Variants in PRDM5 observed in about 807,000 individuals in gnomAD.
PRDM5 encodes the protein PR domain zinc finger protein 5.
A neutral mutation model predicts 81.2 loss-of-function variants in PRDM5; 56 were observed. The ratio of observed to expected loss-of-function variants is 0.69; its 90% CI spans 0.56 to 0.86. The LOEUF is 0.86. PRDM5 is among the 40% of genes least tolerant of loss of function. The pLI is 0.00. For missense variants in PRDM5, 697 were observed against 770.1 expected (o/e 0.91, Z 1.12); for synonymous variants, 267 against 256.4 (o/e 1.04, Z -0.39).
chr4:120,703,544 G>A (rs768239490), intron 15 of PRDM5, among the ~76,000 whole-genome samples: 5 of 152,160 alleles, frequency 3.3e-5, no homozygotes, highest in African/African-American at 9.6e-5. Flanking sequence ...ATGAGGGCAG[G>A]ACATGGCATC....
intron 8 of PRDM5, among the ~76,000 whole-genome samples, chr4:120,803,240 C>A (rs2149298236): frequency 6.6e-6 from 1 of 152,180 alleles, no homozygotes; most frequent in Non-Finnish European, 1.5e-5. Flanking sequence ...ATTGTTGTAC[C>A]TGAAAGTGAC....
intron 13 of PRDM5, among the ~76,000 whole-genome samples, chr4:120,762,177 T>C (rs1745715556): frequency 6.6e-6 from 1 of 152,136 alleles, no homozygotes; most frequent in Non-Finnish European, 1.5e-5. Flanking sequence ...TATGAAAAGA[T>C]GTACACACAG....
chr4:120,790,910 T>A (rs956909533), intron 10 of PRDM5, among the ~76,000 whole-genome samples: 3 of 152,104 alleles, frequency 2.0e-5, no homozygotes, highest in African/African-American at 7.2e-5. Flanking sequence ...GCCACTGCAC[T>A]CCAGCCTGGG....
At chr4:120,884,435 T>TG (rs112781565) in intron 2 of PRDM5, among the ~76,000 whole-genome samples, 62,421 of 151,678 alleles carry the variant, frequency 0.41, 14,475 homozygotes, top group African/African-American at 0.64. Context: ...GAAATGTTCT[T>TG]TTATAGTTCC....
chr4:120,748,268 C>T (rs1743440565), intron 14 of PRDM5, among the ~76,000 whole-genome samples: 1 of 152,182 alleles, frequency 6.6e-6, no homozygotes, highest in Non-Finnish European at 1.5e-5. Flanking sequence ...GGCAGCATAC[C>T]TGGGGTACCC....
rs115114639 is a variant in PRDM5, at chr4:120,893,007, G to A, written c.177+14467C>T. Among the ~76,000 whole-genome samples, 421 of 152,346 alleles carry A rather than the reference G, an allele frequency of 2.8e-3. 2 individuals are homozygous for A. The highest frequency in any genetic ancestry group is 9.4e-3 in the African/African-American group (390 of 41,588). ...CAATCTTACTGCTCCCAGGCCCCAT[G>A]ACTGAAGCCTCTATTGAGGCTACAG... is the stretch of plus-strand genomic sequence containing the variant. On this transcript the variant is annotated intron_variant, in intron 2 of 15. Transcript: ENST00000264808.
At chr4:120,820,564 A>G (rs770238949) in intron 4 of PRDM5, among the ~76,000 whole-genome samples, 1 of 152,242 alleles carries the variant, frequency 6.6e-6, no homozygotes, top group Non-Finnish European at 1.5e-5. Context: ...TGGCTGCAGT[A>G]TTGACTGAGG....
chr4:120,810,647 C>T (rs996697902), intron 8 of PRDM5: 1 of 150,376 alleles, frequency 6.6e-6, no homozygotes, highest in Non-Finnish European at 1.5e-5. Context: ...AGAGAACAAA[C>T]AAACAAGAGA....
chr4:120,916,792 T>A (rs933893095), intron 1 of PRDM5, among the ~76,000 whole-genome samples: 2 of 152,202 alleles, frequency 1.3e-5, no homozygotes, highest in African/African-American at 4.8e-5. Flanking sequence ...CGTGGAATCA[T>A]CCTGAATCCT....
At chr4:120,726,625 A>G (rs2149073174) in intron 14 of PRDM5, among the ~76,000 whole-genome samples, 1 of 152,336 alleles carries the variant, frequency 6.6e-6, no homozygotes, top group East Asian at 1.9e-4. Flanking sequence ...CATAATTCTT[A>G]TTTTGTACAT....
chr4:120,779,075 T>C (rs142305316), intron 12 of PRDM5, among the ~76,000 whole-genome samples: 12 of 152,308 alleles, frequency 7.9e-5, no homozygotes, highest in African/African-American at 2.9e-4. Flanking sequence ...TTTGCTGCTA[T>C]GTATTTCATT....
At chr4:120,812,019 C>A (rs1229936003) in intron 7 of PRDM5, among the ~76,000 whole-genome samples, 1 of 152,006 alleles carries the variant, frequency 6.6e-6, no homozygotes, top group Non-Finnish European at 1.5e-5. Context: ...TTTATTCACC[C>A]CCTCCCCGCT....
At chr4:120,780,404 A>T (rs1005368175) in intron 12 of PRDM5, among the ~76,000 whole-genome samples, 2 of 152,032 alleles carry the variant, frequency 1.3e-5, no homozygotes, top group Non-Finnish European at 2.9e-5. Context: ...TGATGACACC[A>T]CTGCACTACA....
intron 14 of PRDM5, among the ~76,000 whole-genome samples, chr4:120,730,357 C>A (rs546668734): frequency 6.6e-6 from 1 of 151,958 alleles, no homozygotes; most frequent in Non-Finnish European, 1.5e-5. Context: ...TATAATGTTA[C>A]CCAAAATTGA....
chr4:120,869,208 T>C (rs1761529048), intron 2 of PRDM5, among the ~76,000 whole-genome samples: 3 of 152,190 alleles, frequency 2.0e-5, no homozygotes, highest in Non-Finnish European at 4.4e-5. Context: ...TGAGTAGTCA[T>C]TTATCATAGG....
intron 7 of PRDM5, among the ~76,000 whole-genome samples, chr4:120,813,590 T>C (rs930186111): frequency 2.0e-5 from 3 of 152,222 alleles, no homozygotes; most frequent in Non-Finnish European, 4.4e-5. Context: ...GCAGGCTAAA[T>C]ATGATAGCCA....
intron 14 of PRDM5, among the ~76,000 whole-genome samples, chr4:120,740,011 C>T (rs1199928607): frequency 2.0e-5 from 3 of 152,030 alleles, no homozygotes; most frequent in Admixed American, 6.5e-5. Context: ...GTCTGATTTT[C>T]CCTTTTACAA....
intron 3 of PRDM5, among the ~76,000 whole-genome samples, chr4:120,842,168 G>A (rs541305305): frequency 2.6e-4 from 40 of 152,252 alleles, no homozygotes; most frequent in Non-Finnish European, 4.7e-4. Flanking sequence ...TGACATTAAC[G>A]ATGAGGTGCT....
chr4:120,756,152 G>C (rs1744705936), intron 13 of PRDM5, among the ~76,000 whole-genome samples: 1 of 152,152 alleles, frequency 6.6e-6, no homozygotes, highest in South Asian at 2.1e-4. Context: ...TCTAGGAAAA[G>C]ATCATCTTAT....
Sources: gnomAD v4.1 joint callset for allele counts (sites outside exome capture counted in the v4.1 genomes callset) on GRCh38, gnomAD v4.1.1 for gene constraint, MANE v1.5 for transcripts, NCBI Gene and HGNC (gene_info 2026-07-23, HGNC 2026-07-21) for gene names.